KPNA5: variants seen among roughly 807,000 people sequenced by gnomAD.
KPNA5 encodes the protein karyopherin subunit alpha 5.
In KPNA5, 46 loss-of-function variants were observed where a neutral mutation model predicts 71.3. The ratio of observed to expected loss-of-function variants is 0.65; its 90% CI spans 0.51 to 0.83. KPNA5 has a LOEUF of 0.83. Ranked by LOEUF, KPNA5 falls within the 40% of genes least tolerant of loss-of-function variation. The pLI is 0.00. For missense variants in KPNA5, 547 were observed against 628.3 expected, an observed-to-expected ratio of 0.87 and a Z score of 1.38; for synonymous variants, 207 against 201.4, an observed-to-expected ratio of 1.03 and a Z score of -0.24.
In KPNA5 at chr6:116,732,108, ATATATATATATATAC is replaced by A. The variant is rs1304651504; in HGVS notation, c.1433-26_1433-12del. 13 of 166,364 alleles carry A rather than the reference ATATATATATATATAC, an allele frequency of 7.8e-5. No individual in the cohort carries two copies. The highest frequency in any genetic ancestry group is 5.8e-4 in the East Asian group (3 of 5,208). 10.3% of individuals were successfully genotyped at this position (166,364 alleles called of 1,614,324 possible). A position where few individuals can be genotyped will look rare whatever the true frequency, so the allele number is the denominator to read the frequency against. ...TATATATATATATATATATATATATATATATATATATATACTTTGTATAACAGGTCTGGATAAAAT... is the reference window on the plus strand; with the variant it reads ...TATATATATATATATATATATATATATTTGTATAACAGGTCTGGATAAAAT... On this transcript the variant is annotated splice_polypyrimidine_tract_variant and intron_variant, in intron 13 of 13. Coordinates refer to ENST00000368564, the MANE Select transcript of KPNA5 (RefSeq NM_001366306.2).
rs1164708675 is a variant in KPNA5 at position 116,734,324 on chromosome 6, A to G, written c.*2001A>G. 2.0e-5 allele frequency: 3 copies of G among 151,668 alleles called. No homozygotes were observed. Among genetic ancestry groups the G allele is most frequent in the Admixed American group, 6.6e-5 (1 of 15,166 alleles). The allele number at this position is 151,668 out of a possible 1,614,324, so 9.4% of individuals were successfully genotyped here. A position where few individuals can be genotyped will look rare whatever the true frequency, so the allele number is the denominator to read the frequency against. ...GTCACTATAATAAATTTCTAAGCCA[A>G]ATTTTTCAAACAAGATAGTTCTTAT... On this transcript the variant is annotated 3_prime_UTR_variant, in exon 14 of 14. Transcript: ENST00000368564.
intron 13 of KPNA5, among the ~76,000 whole-genome samples, chr6:116,731,330 T>G (rs1341259008): frequency 6.6e-6 from 1 of 152,182 alleles, no homozygotes; most frequent in Non-Finnish European, 1.5e-5. Context: ...ATACAAGATA[T>G]TAGTCACTGA....
At chr6:116,683,389 A>G (rs142186205) in intron 1 of KPNA5, among the ~76,000 whole-genome samples, 121 of 152,242 alleles carry the variant, frequency 7.9e-4, no homozygotes, top group Non-Finnish European at 1.4e-3. Flanking sequence ...TTCCATGAGC[A>G]TTTTATTTTA....
At position 116,732,746 on chromosome 6, in the gene KPNA5, C is replaced by T. The variant is rs1407907957; in HGVS notation, c.*423C>T. Reference sequence around the variant, plus strand: ...CTTACACATCTAATCTCTACTAAATCTACCTCTATCTTGAAGCAGAAATAA... The same window carrying T: ...CTTACACATCTAATCTCTACTAAATTTACCTCTATCTTGAAGCAGAAATAA... On this transcript the variant is annotated 3_prime_UTR_variant, in exon 14 of 14. Transcript: ENST00000368564. 2.0e-5 allele frequency: 3 copies of T among 151,900 alleles called. No individual in the cohort carries two copies. The highest frequency in any genetic ancestry group is 4.4e-5 in the Non-Finnish European group (3 of 67,888). 9.4% of individuals were successfully genotyped at this position (151,900 alleles called of 1,614,324 possible).
At chr6:116,727,884 CCA>C (rs575728043) in intron 12 of KPNA5, among the ~76,000 whole-genome samples, 127 of 152,208 alleles carry the variant, frequency 8.3e-4, no homozygotes, top group Non-Finnish European at 1.5e-3. Context: ...GAGGATCCCT[CCA>C]TGAAACTAGA....
intron 7 of KPNA5, among the ~76,000 whole-genome samples, chr6:116,711,846 C>T (rs1258907957): frequency 6.6e-6 from 1 of 152,068 alleles, no homozygotes; most frequent in Admixed American, 6.5e-5. Flanking sequence ...GGTCTCAAAT[C>T]CCTGCCTCAC....
chr6:116,691,638 A>G (rs551259334), intron 2 of KPNA5, among the ~76,000 whole-genome samples: 18 of 152,318 alleles, frequency 1.2e-4, no homozygotes, highest in Admixed American at 6.5e-4. Context: ...TGTTAATCAG[A>G]TATACTAAAT....
At chr6:116,681,408 C>G (rs1583391879) in intron 1 of KPNA5, 70 bp downstream of exon 1, 1 of 1,484,030 alleles carries the variant, frequency 6.7e-7, no homozygotes, top group East Asian at 2.6e-5. Flanking sequence ...CTACTAGTTC[C>G]TGGGGCCACG....
At position 116,681,351 on chromosome 6, in the gene KPNA5, G is replaced by C. The variant is rs1302330688; in HGVS notation, c.4+13G>C. On this transcript the variant is annotated intron_variant, in intron 1 of 13. Coordinates refer to ENST00000368564, the MANE Select transcript of KPNA5 (RefSeq NM_001366306.2). ...GCCACATTAATGGGTAAGTTGGAGT[G>C]AACACGGGCTAGGTTGGGGGAGCCT... 4 of 1,594,762 alleles carry C rather than the reference G, an allele frequency of 2.5e-6. No homozygotes were observed. The African/African-American group carries it at 4.1e-5, about 16-fold the overall frequency.
intron 5 of KPNA5, among the ~76,000 whole-genome samples, chr6:116,699,470 T>C (rs1164872295): frequency 6.6e-6 from 1 of 152,200 alleles, no homozygotes; most frequent in East Asian, 1.9e-4. Flanking sequence ...ACCTAACTTA[T>C]AAATGCTATT....
chr6:116,706,645 T>C (rs978674209), intron 7 of KPNA5, among the ~76,000 whole-genome samples: 2 of 151,504 alleles, frequency 1.3e-5, no homozygotes, highest in African/African-American at 4.9e-5. Context: ...CCTGAGATCA[T>C]GCCATTGCAC....
chr6:116,728,719 G>A (rs1435418912), intron 12 of KPNA5, among the ~76,000 whole-genome samples: 1 of 151,764 alleles, frequency 6.6e-6, no homozygotes, highest in Admixed American at 6.6e-5. Flanking sequence ...TCTGAAGTTG[G>A]TACTATTATT....
intron 7 of KPNA5, among the ~76,000 whole-genome samples, chr6:116,709,003 C>T (rs746648601): frequency 6.6e-6 from 1 of 152,102 alleles, no homozygotes; most frequent in Non-Finnish European, 1.5e-5. Flanking sequence ...CCAGGCTGGT[C>T]TTGAACTCCT....
In KPNA5 at chr6:116,733,453, CAG is replaced by C. The variant is rs1262866872; in HGVS notation, c.*1133_*1134del. The C allele has an allele frequency of 6.6e-6, 1 of 151,496 alleles. No individual in the cohort carries two copies. Among genetic ancestry groups the C allele is most frequent in the Non-Finnish European group, 1.5e-5 (1 of 67,666 alleles). The allele number at this position is 151,496 out of a possible 1,614,324, so 9.4% of individuals were successfully genotyped here. The stretch of plus-strand genomic sequence containing the variant: ...AAGACTTTTTTCTTTTAGTAATACT[CAG>C]AGGGTCATTCTGCTGCTTGTTATGA... On this transcript the variant is annotated 3_prime_UTR_variant, in exon 14 of 14. Transcript: ENST00000368564.
chr6:116,694,977 T>C (rs1268721695), intron 4 of KPNA5, among the ~76,000 whole-genome samples: 1 of 152,062 alleles, frequency 6.6e-6, no homozygotes, highest in Non-Finnish European at 1.5e-5. Context: ...TGAGACAACA[T>C]CTCACTCCCG....
In KPNA5 at chr6:116,689,352, A is replaced by G. The variant is rs1562427237; in HGVS notation, c.37A>G (p.Arg13Gly). 6.2e-7 allele frequency: 1 copy of G among 1,608,150 alleles called. No homozygotes were observed. The highest frequency in any genetic ancestry group is 1.3e-5 in the African/African-American group (1 of 74,594). The change falls in exon 2 of 14, where the codon AGA (arginine) becomes GGA (glycine). Residue 13 changes from arginine (R) to glycine (G), a missense_variant. Transcript: ENST00000368564. The part of the protein sequence containing the change: ...AMASPGKDNY[R>G]MKSYKNKALN... ...GGCTAGTCCAGGGAAAGATAACTAT[A>G]GAATGAAAAGTTATAAGAATAAAGC...
At chr6:116,712,752 A>ATAGC (rs1225871705) in intron 7 of KPNA5, among the ~76,000 whole-genome samples, 2 of 152,188 alleles carry the variant, frequency 1.3e-5, no homozygotes, top group Non-Finnish European at 2.9e-5. Context: ...GGTGTGAGCC[A>ATAGC]TAGCACCTGG....
chr6:116,731,013 TA>T (rs555168276), intron 13 of KPNA5, among the ~76,000 whole-genome samples: 105 of 152,264 alleles, frequency 6.9e-4, no homozygotes, highest in African/African-American at 2.5e-3. Context: ...TAACTCAGTC[TA>T]ATTTTCTATT....
At chr6:116,717,913 C>T (rs989583486) in intron 8 of KPNA5, among the ~76,000 whole-genome samples, 1 of 152,122 alleles carries the variant, frequency 6.6e-6, no homozygotes, top group Non-Finnish European at 1.5e-5. Context: ...AAGTTATACT[C>T]CGTCATTTTG....
Sources: gnomAD v4.1 joint callset for allele counts (sites outside exome capture counted in the v4.1 genomes callset) on GRCh38, gnomAD v4.1.1 for gene constraint, MANE v1.5 for transcripts, NCBI Gene and HGNC (gene_info 2026-07-23, HGNC 2026-07-21) for gene names.